The following ROCK2 variants were observed in gnomAD, a reference collection of about 807,000 sequenced individuals.
ROCK2 encodes Rho associated coiled-coil containing protein kinase 2, also known as rho-associated protein kinase 2.
In ROCK2, 61 loss-of-function variants were observed where a neutral mutation model predicts 195.1. The ratio of observed to expected loss-of-function variants is 0.31; its 90% confidence interval spans 0.25 to 0.39. The LOEUF (loss-of-function observed/expected upper bound fraction) is 0.39, where lower values mean the gene tolerates loss of function less well. Among genes scored for constraint, ROCK2 ranks in the 10% least tolerant of loss-of-function variants. The pLI is 1.00. For missense variants in ROCK2, 1,109 were observed against 1,637.4 expected (o/e 0.68, Z 5.57); for synonymous variants, 504 against 545.5 (o/e 0.92, Z 1.06).
chr2:11,294,965 T>A (rs1667466517), intron 1 of ROCK2, among the ~76,000 whole-genome samples: 1 of 152,056 alleles, frequency 6.6e-6, no homozygotes, highest in Non-Finnish European at 1.5e-5. Context: ...TTTTTTGTAT[T>A]TTTAGTAGAG....
intron 1 of ROCK2, among the ~76,000 whole-genome samples, chr2:11,315,845 T>G (rs1180638883): frequency 6.6e-6 from 1 of 152,256 alleles, no homozygotes. Context: ...AGGGGCCTTC[T>G]TCAGTCCACA....
chr2:11,184,569 C>G (rs752310269), intron 32 of ROCK2: 12 of 920,860 alleles, frequency 1.3e-5, no homozygotes, highest in Non-Finnish European at 1.6e-5. Context: ...CTATTAAAAA[C>G]AAGTTTCAAA....
At chr2:11,209,257 G>A (rs1243417709) in intron 18 of ROCK2, among the ~76,000 whole-genome samples, 1 of 152,056 alleles carries the variant, frequency 6.6e-6, no homozygotes, top group African/African-American at 2.4e-5. Flanking sequence ...TTAAACCCTG[G>A]GTCTAACACT....
intron 1 of ROCK2, among the ~76,000 whole-genome samples, chr2:11,337,919 A>G (rs1255106422): frequency 6.6e-6 from 1 of 152,168 alleles, no homozygotes; most frequent in Non-Finnish European, 1.5e-5. Flanking sequence ...CTGAGATTAC[A>G]GGCATGAGCC....
intron 1 of ROCK2, among the ~76,000 whole-genome samples, chr2:11,331,285 A>C (rs1430635864): frequency 2.0e-5 from 3 of 152,206 alleles, no homozygotes; most frequent in Non-Finnish European, 4.4e-5. Context: ...TGTGAACAAG[A>C]ACATGGCACC....
intron 11 of ROCK2, chr2:11,217,626 A>G (rs1043822640): frequency 4.0e-6 from 1 of 251,616 alleles, no homozygotes; most frequent in South Asian, 4.4e-5. Flanking sequence ...CTCTTCTTTT[A>G]TATCTTCCTA....
chr2:11,323,401 TAA>T (rs1029434469), intron 1 of ROCK2, among the ~76,000 whole-genome samples: 7 of 152,168 alleles, frequency 4.6e-5, no homozygotes, highest in African/African-American at 2.4e-5. Context: ...ACATTAAATC[TAA>T]AAGACACTAA....
In ROCK2 at chr2:11,212,430, G is replaced by C. The variant is rs572123259; in HGVS notation, c.2044-590C>G. Among the ~76,000 whole-genome samples, 5 of 151,988 alleles carry C rather than the reference G, an allele frequency of 3.3e-5. No homozygotes were observed. In the South Asian group the frequency reaches 1.0e-3, roughly 32 times the overall value. Reference sequence around the variant, plus strand: ...GCTATTCTCAATATCAAATTCTAAAGACCCTTTTCAGTCTTATTTGAACTC... The same window carrying C: ...GCTATTCTCAATATCAAATTCTAAACACCCTTTTCAGTCTTATTTGAACTC... On this transcript the variant is annotated intron_variant, in intron 17 of 32. Coordinates refer to ENST00000315872, the MANE Select transcript of ROCK2 (RefSeq NM_004850.5).
At chr2:11,212,381 C>CT (rs1664280978) in intron 17 of ROCK2, among the ~76,000 whole-genome samples, 1 of 152,166 alleles carries the variant, frequency 6.6e-6, no homozygotes, top group African/African-American at 2.4e-5. Flanking sequence ...ATCAAGCTCA[C>CT]TTAATCTCAA....
At chr2:11,184,707 T>C (rs918064119) in intron 32 of ROCK2, 50 of 982,808 alleles carry the variant, frequency 5.1e-5, no homozygotes, top group African/African-American at 1.4e-4. Context: ...GTCATCATCA[T>C]CACCACCACC....
At chr2:11,224,122 G>A (rs1442036137) in intron 7 of ROCK2, among the ~76,000 whole-genome samples, 200 bp downstream of exon 7, 2 of 152,060 alleles carry the variant, frequency 1.3e-5, no homozygotes, top group African/African-American at 4.8e-5. Context: ...GTTAGAGTTC[G>A]ATTACAACTG....
chr2:11,246,037 T>C (rs527875216), intron 4 of ROCK2, among the ~76,000 whole-genome samples: 35 of 152,302 alleles, frequency 2.3e-4, no homozygotes, highest in African/African-American at 7.7e-4. Flanking sequence ...GGAGGAATGA[T>C]TGAACTGAAG....
At chr2:11,184,716 CCATCAA>C (rs768779662) in intron 32 of ROCK2, 1 of 982,598 alleles carries the variant, frequency 1.0e-6, no homozygotes. Context: ...ATCACCACCA[CCATCAA>C]CATCATCAAA....
At chr2:11,315,964 G>A (rs1668176841) in intron 1 of ROCK2, among the ~76,000 whole-genome samples, 1 of 152,092 alleles carries the variant, frequency 6.6e-6, no homozygotes, top group Non-Finnish European at 1.5e-5. Context: ...TTGAAACAAG[G>A]CTAGCACAAC....
chr2:11,290,037 C>A (rs776028538), intron 1 of ROCK2, among the ~76,000 whole-genome samples: 3 of 152,138 alleles, frequency 2.0e-5, no homozygotes, highest in Admixed American at 1.3e-4. Context: ...TATAAACTTA[C>A]ATTCTTACTT....
chr2:11,254,941 G>A (rs116136756), intron 3 of ROCK2, among the ~76,000 whole-genome samples: 6,443 of 151,984 alleles, frequency 0.042, 275 homozygotes, highest in Non-Finnish European at 0.06. Context: ...TTGGGGGCCG[G>A]GCGCAGTGGC....
At chr2:11,288,575 C>T (rs558748189) in intron 1 of ROCK2, among the ~76,000 whole-genome samples, 1 of 152,272 alleles carries the variant, frequency 6.6e-6, no homozygotes, top group South Asian at 2.1e-4. Flanking sequence ...CAGCATACAA[C>T]CTAAATCTTA....
Position 11,179,999 on chromosome 2 carries a change from C to CCG in ROCK2, c.*3437_*3438insCG, listed in dbSNP as rs1662916223. 1 of 152,056 alleles carries CCG rather than the reference C, an allele frequency of 6.6e-6. No individual in the cohort carries two copies. Among genetic ancestry groups the CCG allele is most frequent in the East Asian group, 1.9e-4 (1 of 5,186 alleles). The allele number at this position is 152,056 out of a possible 1,614,324, so 9.4% of individuals were successfully genotyped here. A position where few individuals can be genotyped will look rare whatever the true frequency, so the allele number is the denominator to read the frequency against. On this transcript the variant is annotated 3_prime_UTR_variant, in exon 33 of 33. Transcript: ENST00000315872. ...GATGGGAGTCAGGGAGAGGCCCCCC[C>CCG]CCAAGCATGATATCCAGCGCTGTCA...
Position 11,248,624 on chromosome 2 carries a change from G to A in ROCK2, c.462+1037C>T, listed in dbSNP as rs140803892. ...TTCGAGAGACTGAGGCAGGAGAACC[G>A]CTTGAACCCGGGAAGCAGAGGATGG... On this transcript the variant is annotated intron_variant, in intron 4 of 32. Transcript: ENST00000315872. 3.4e-3 allele frequency among the ~76,000 whole-genome samples: 489 copies of A among 141,866 alleles called. 2 individuals are homozygous for A. The highest frequency in any genetic ancestry group is 0.011 in the African/African-American group (436 of 37,928). 93.1% of individuals were successfully genotyped at this position (141,866 alleles called of 152,430 possible).
Sources: allele counts gnomAD v4.1 joint callset (sites outside exome capture counted in the v4.1 genomes callset), GRCh38; gene constraint gnomAD v4.1.1; transcripts MANE v1.5; gene names NCBI Gene and HGNC (gene_info 2026-07-23, HGNC 2026-07-21).